Variants in ADAM11 observed in about 807,000 individuals in gnomAD.
ADAM11 encodes ADAM metallopeptidase domain 11.
A neutral mutation model predicts 119.1 loss-of-function variants in ADAM11; 49 were observed. That is an observed-to-expected ratio of 0.41 (90% CI 0.33 to 0.52). The LOEUF (loss-of-function observed/expected upper bound fraction) is 0.52. ADAM11 is among the 20% of genes least tolerant of loss of function. The pLI, the probability that ADAM11 is intolerant of heterozygous loss-of-function variation, is 0.20. For synonymous variants in ADAM11, 364 were observed against 408.0 expected (o/e 0.89, Z 1.30); for missense variants, 777 against 1,047.5 (o/e 0.74, Z 3.56).
rs1309957420 is a variant in ADAM11, at chr17:44,775,808, G to T, written c.1485+132G>T. ...AGGCCTCTGGGGCAGGGCTTGATGC[G>T]AAGACAGCGCCAATGGGGAGCAAGG... is the stretch of plus-strand genomic sequence containing the variant. On this transcript the variant is annotated intron_variant, in intron 17 of 26. Transcript: ENST00000200557. This position sits in a 1 kb window ranked among gnomAD's most constrained non-coding sequence, Gnocchi z 7.5. 8 of 962,734 alleles carry T rather than the reference G, an allele frequency of 8.3e-6. No individual in the cohort carries two copies. In the Admixed American group the frequency reaches 2.2e-4, roughly 26 times the overall value. The allele number at this position is 962,734 out of a possible 1,614,324, so 59.6% of individuals were successfully genotyped here.
At position 44,777,026 on chromosome 17, in the gene ADAM11, G is replaced by A. The variant is rs184229641; in HGVS notation, c.1681+64G>A. On this transcript the variant is annotated intron_variant, in intron 20 of 26. Coordinates refer to ENST00000200557, the MANE Select transcript of ADAM11 (RefSeq NM_002390.6). The surrounding 1 kb of genome is among the most constrained non-coding windows in gnomAD (Gnocchi z 5.1). Reference sequence around the variant, plus strand: ...ACCCAGAGCTGAGAAGCTGGGGAGAGTGGGTTCCAGCTGAACAGGCCCCCA... The same window carrying A: ...ACCCAGAGCTGAGAAGCTGGGGAGAATGGGTTCCAGCTGAACAGGCCCCCA... 1.2e-5 allele frequency: 19 copies of A among 1,575,240 alleles called. No homozygotes were observed. Among genetic ancestry groups the A allele is most frequent in the Middle Eastern group, 2.1e-4 (1 of 4,860 alleles).
In ADAM11 at chr17:44,777,231, C is replaced by T. The variant is rs780005911; in HGVS notation, c.1747C>T (p.Arg583Cys). The change falls in exon 21 of 27, where the codon CGC becomes TGC. Residue 583 changes from arginine to cysteine, a missense_variant. Arg to Cys is a radical substitution (Grantham distance 180). Transcript: ENST00000200557. The surrounding 1 kb of genome is among the most constrained non-coding windows in gnomAD (Gnocchi z 5.1). Reference sequence around the variant, plus strand: ...GGGGACGGAGCGTGGGAGCTGTGGGCGCAAGGGATCTGGCTGGGTCCAGTG... The same window carrying T: ...GGGGACGGAGCGTGGGAGCTGTGGGTGCAAGGGATCTGGCTGGGTCCAGTG... Reference protein sequence around the residue: ...VEGTERGSCGRKGSGWVQCSK... With the variant: ...VEGTERGSCGCKGSGWVQCSK... 2.7e-5 allele frequency: 44 copies of T among 1,608,298 alleles called. No homozygotes were observed. Among genetic ancestry groups the T allele is most frequent in the African/African-American group, 8.0e-5 (6 of 74,996 alleles).
At chr17:44,764,969 G>A (rs2049429683) in intron 2 of ADAM11, among the ~76,000 whole-genome samples, 1 of 152,018 alleles carries the variant, frequency 6.6e-6, no homozygotes, top group Non-Finnish European at 1.5e-5. Context: ...ACATGAGCAG[G>A]ACTCTGGCCT....
In ADAM11 at chr17:44,759,185, AG is replaced by A. The variant is rs1379909145; in HGVS notation, c.-13del. On this transcript the variant is annotated 5_prime_UTR_variant, in exon 1 of 27. Coordinates refer to ENST00000200557, the MANE Select transcript of ADAM11 (RefSeq NM_002390.6). The stretch of plus-strand genomic sequence containing the variant: ...TGGCAGCCGCAGCCCCCGGACCGGG[AG>A]GAATGAGCGAGCCATGAGGCTGCTG... The A allele has an allele frequency of 8.8e-7, 1 of 1,137,216 alleles. No individual in the cohort carries two copies. The highest frequency in any genetic ancestry group is 1.1e-6 in the Non-Finnish European group (1 of 920,270). 70.4% of individuals were successfully genotyped at this position (1,137,216 alleles called of 1,614,324 possible).
intron 25 of ADAM11, among the ~76,000 whole-genome samples, chr17:44,778,469 A>T (rs1383968851): frequency 6.6e-6 from 1 of 152,154 alleles, no homozygotes; most frequent in African/African-American, 2.4e-5. Context: ...AGGCAGGCGG[A>T]TCACCTGAGG....
Position 44,772,226 on chromosome 17 carries a change from GC to G in ADAM11, c.544-38del. ...CCCCCGCCAAGTGGGCCTGGAGCAG[GC>G]CCAGTTGGCACCCCAAGAACTAATT... On this transcript the variant is annotated intron_variant, in intron 6 of 26. Transcript: ENST00000200557. The surrounding 1 kb of genome is among the most constrained non-coding windows in gnomAD (Gnocchi z 4.5). 6.4e-7 allele frequency: 1 copy of G among 1,571,082 alleles called. No individual in the cohort carries two copies.
chr17:44,764,018 TG>T (rs1386622067), intron 2 of ADAM11, among the ~76,000 whole-genome samples: 1 of 152,172 alleles, frequency 6.6e-6, no homozygotes, highest in Admixed American at 6.5e-5. Context: ...CACCCGGTCT[TG>T]GGACCCCTTT....
In ADAM11 at chr17:44,767,909, G is replaced by C. The variant is rs151211107; in HGVS notation, c.238-1809G>C. On this transcript the variant is annotated intron_variant, in intron 2 of 26. Transcript: ENST00000200557. ...TGGCTCGCAGACCTCCTGAGTGAGG[G>C]AGATTCTGTTGGTGCCAGGGCAGAC... is the stretch of plus-strand genomic sequence containing the variant. Among the ~76,000 whole-genome samples the C allele has an allele frequency of 2.0e-4, 31 of 152,304 alleles. 1 individual carries two copies. The East Asian group carries it at 6.0e-3, about 30-fold the overall frequency.
rs765663107 is a variant in ADAM11 at position 44,759,890 on chromosome 17, G to A, written c.230G>A (p.Gly77Glu). The A allele has an allele frequency of 3.5e-5, 46 of 1,299,396 alleles. No individual in the cohort carries two copies. Among genetic ancestry groups the A allele is most frequent in the Non-Finnish European group, 4.3e-5 (44 of 1,016,524 alleles). 80.5% of individuals were successfully genotyped at this position (1,299,396 alleles called of 1,614,324 possible). A position where few individuals can be genotyped will look rare whatever the true frequency, so the allele number is the denominator to read the frequency against. The change falls in exon 2 of 27, where the codon GGG becomes GAG. Residue 77 changes from glycine to glutamate, a missense_variant. Coordinates refer to ENST00000200557, the MANE Select transcript of ADAM11 (RefSeq NM_002390.6). ...ACAAGGGTCCGCCAGGAGCCACCAG[G>A]GGGCCCGGTGAGTGGGGCTGGGTGG... The part of the protein sequence containing the change: ...LDTRVRQEPP[G>E]GPPVHLAQVS...
rs566573183 is a variant in ADAM11 at position 44,780,069 on chromosome 17, G to A, written c.*315G>A. ...ACAGCTCAACTCGGGGGCGCCTGGA[G>A]GGATGCCCCCAGGCAGCCACCAGTG... is the stretch of plus-strand genomic sequence containing the variant. On this transcript the variant is annotated 3_prime_UTR_variant, in exon 27 of 27. Coordinates refer to ENST00000200557, the MANE Select transcript of ADAM11 (RefSeq NM_002390.6). The A allele has an allele frequency of 1.5e-4, 103 of 665,430 alleles. 1 individual carries two copies. The highest frequency in any genetic ancestry group is 1.5e-3 in the South Asian group (102 of 66,424). 41.2% of individuals were successfully genotyped at this position (665,430 alleles called of 1,614,324 possible).
In ADAM11 at chr17:44,773,202, C is replaced by T; in HGVS notation, c.826-59C>T. On this transcript the variant is annotated intron_variant, in intron 10 of 26. Coordinates refer to ENST00000200557, the MANE Select transcript of ADAM11 (RefSeq NM_002390.6). This position sits in a 1 kb window ranked among gnomAD's most constrained non-coding sequence, Gnocchi z 4.6. ...TTCCTGGAGAGAACAGACAGGCCCT[C>T]CTCCAGCCCTGGCCCCAACACCCAC... is the stretch of plus-strand genomic sequence containing the variant. 3.1e-6 allele frequency: 5 copies of T among 1,601,114 alleles called. No homozygotes were observed. The highest frequency in any genetic ancestry group is 2.2e-5 in the South Asian group (2 of 90,418).
At position 44,777,944 on chromosome 17, in the gene ADAM11, G is replaced by A; in HGVS notation, c.2071-8G>A. On this transcript the variant is annotated splice_polypyrimidine_tract_variant and splice_region_variant and intron_variant, in intron 23 of 26. Transcript: ENST00000200557. The surrounding 1 kb of genome is among the most constrained non-coding windows in gnomAD (Gnocchi z 5.1). ...TGCTCACCTCTCCTGGCCCTGCCCTGCCTCTAGGTCTGCAGCAATGAAGGG... is the reference window on the plus strand; with the variant it reads ...TGCTCACCTCTCCTGGCCCTGCCCTACCTCTAGGTCTGCAGCAATGAAGGG... 1 of 1,613,972 alleles carries A rather than the reference G, an allele frequency of 6.2e-7. No homozygotes were observed. The highest frequency in any genetic ancestry group is 8.5e-7 in the Non-Finnish European group (1 of 1,179,966).
At position 44,775,549 on chromosome 17, in the gene ADAM11, CG is replaced by C. The variant is rs1567694269; in HGVS notation, c.1393-34del. ...GCGTCTGAGTGGGAGGATTAGGGCT[CG>C]CCCGCCTCCTTCCCCTCCTCCCGCG... is the stretch of plus-strand genomic sequence containing the variant. On this transcript the variant is annotated intron_variant, in intron 16 of 26. Transcript: ENST00000200557. The surrounding 1 kb of genome is among the most constrained non-coding windows in gnomAD (Gnocchi z 7.5). 2 of 1,559,886 alleles carry C rather than the reference CG, an allele frequency of 1.3e-6. No homozygotes were observed. Among genetic ancestry groups the C allele is most frequent in the Non-Finnish European group, 1.7e-6 (2 of 1,155,794 alleles).
intron 2 of ADAM11, among the ~76,000 whole-genome samples, chr17:44,760,406 G>A (rs1470725847): frequency 6.6e-6 from 1 of 152,166 alleles, no homozygotes. Context: ...CTGGCTGAAG[G>A]TGGGGCCTTG....
chr17:44,774,267 G>A (rs1268684122), intron 11 of ADAM11, 28 bp from the exon 12 acceptor site: 1 of 1,430,892 alleles, frequency 7.0e-7, no homozygotes, highest in East Asian at 2.6e-5. Flanking sequence ...AGGGCAGGAG[G>A]CCATCCTGAC....
intron 6 of ADAM11, 123 bp downstream of exon 6, chr17:44,771,954 C>T: frequency 8.9e-7 from 1 of 1,128,156 alleles, no homozygotes. Flanking sequence ...TCACTGCCCT[C>T]TTCAGTGACC....
intron 4 of ADAM11, among the ~76,000 whole-genome samples, chr17:44,770,503 C>CA (rs1555552008): frequency 7.4e-6 from 1 of 135,012 alleles, no homozygotes; most frequent in African/African-American, 2.8e-5. Context: ...CCCCCCCGCC[C>CA]CCACTGCCTG....
rs545298412 is a variant in ADAM11 at position 44,779,823 on chromosome 17, C to G, written c.*69C>G. ...CCTGAACCACGAGGCTGCCCCCATC[C>G]AGCCACGGAGGGAGGCACCATGCAA... On this transcript the variant is annotated 3_prime_UTR_variant, in exon 27 of 27. Coordinates refer to ENST00000200557, the MANE Select transcript of ADAM11 (RefSeq NM_002390.6). The G allele has an allele frequency of 4.3e-5, 68 of 1,585,028 alleles. No individual in the cohort carries two copies. Among genetic ancestry groups the G allele is most frequent in the Admixed American group, 1.0e-4 (6 of 59,738 alleles).
In ADAM11 at chr17:44,776,002, C is replaced by A. The variant is rs2145239086; in HGVS notation, c.1486-125C>A. ...GTGGGAGCAGGGAAATAAGAACAGGCCTGAAACGGGGCCCTGGGGAGCTGG... is the reference window on the plus strand; with the variant it reads ...GTGGGAGCAGGGAAATAAGAACAGGACTGAAACGGGGCCCTGGGGAGCTGG... On this transcript the variant is annotated intron_variant, in intron 17 of 26. Coordinates refer to ENST00000200557, the MANE Select transcript of ADAM11 (RefSeq NM_002390.6). The surrounding 1 kb of genome is among the most constrained non-coding windows in gnomAD (Gnocchi z 5.2). 2.7e-6 allele frequency: 3 copies of A among 1,120,814 alleles called. No homozygotes were observed. The highest frequency in any genetic ancestry group is 1.4e-5 in the South Asian group (1 of 72,710). The allele number at this position is 1,120,814 out of a possible 1,614,324, so 69.4% of individuals were successfully genotyped here.
Sources: allele counts gnomAD v4.1 joint callset (sites outside exome capture counted in the v4.1 genomes callset), GRCh38; gene constraint gnomAD v4.1.1; non-coding constraint Gnocchi (gnomAD v3.1); transcripts MANE v1.5; gene names NCBI Gene and HGNC (gene_info 2026-07-23, HGNC 2026-07-21).